The following TTLL11 variants were observed in gnomAD, a reference collection of about 807,000 sequenced individuals.
TTLL11 encodes tubulin polyglutamylase TTLL11.
In TTLL11, 42 loss-of-function variants were observed where a neutral mutation model predicts 51.7. The ratio of observed to expected loss-of-function variants is 0.81; its 90% CI spans 0.64 to 1.05. The LOEUF (loss-of-function observed/expected upper bound fraction) is 1.05. Ranked by LOEUF, TTLL11 falls within the 50% of genes least tolerant of loss-of-function variation. The pLI is 0.00. For missense variants in TTLL11, 799 were observed against 940.4 expected, an observed-to-expected ratio of 0.85 and a Z score of 1.97; for synonymous variants, 381 against 383.5, an observed-to-expected ratio of 0.99 and a Z score of 0.08.
intron 3 of TTLL11, among the ~76,000 whole-genome samples, chr9:122,016,355 G>C: frequency 6.6e-6 from 1 of 152,198 alleles, no homozygotes; most frequent in East Asian, 1.9e-4. Flanking sequence ...GCTCTATAAG[G>C]CGTGTGCAGG....
At chr9:121,911,294 G>A (rs1319710096) in intron 6 of TTLL11, among the ~76,000 whole-genome samples, 2 of 152,188 alleles carry the variant, frequency 1.3e-5, no homozygotes, top group African/African-American at 4.8e-5. Context: ...CTACTCTGGA[G>A]GCTGAGGCTG....
intron 4 of TTLL11, among the ~76,000 whole-genome samples, chr9:121,977,192 T>C (rs1433564085): frequency 6.6e-6 from 1 of 152,146 alleles, no homozygotes; most frequent in Non-Finnish European, 1.5e-5. Flanking sequence ...AACCTAAACT[T>C]GAGTGCATGT....
At chr9:121,896,107 T>C (rs1219605550) in intron 6 of TTLL11, among the ~76,000 whole-genome samples, 2 of 152,066 alleles carry the variant, frequency 1.3e-5, no homozygotes, top group African/African-American at 2.4e-5. Context: ...TGTTTGTGTG[T>C]GTTTTTGAGT....
intron 6 of TTLL11, among the ~76,000 whole-genome samples, chr9:121,970,899 C>T (rs1255088477): frequency 3.3e-5 from 5 of 152,232 alleles, no homozygotes; most frequent in African/African-American, 1.2e-4. Context: ...CACATGCACA[C>T]GTATGTTTAT....
chr9:122,071,990 A>G (rs1425340974), intron 1 of TTLL11, among the ~76,000 whole-genome samples: 2 of 152,106 alleles, frequency 1.3e-5, no homozygotes, highest in Admixed American at 1.3e-4. Context: ...ACCCCTAAAT[A>G]CACTCCACAC....
At chr9:122,090,946 C>A (rs563147072) in intron 1 of TTLL11, among the ~76,000 whole-genome samples, 1 of 152,106 alleles carries the variant, frequency 6.6e-6, no homozygotes, top group African/African-American at 2.4e-5. Context: ...CTGTAATGAC[C>A]GCAATTATTC....
chr9:122,023,344 T>A (rs529202807), intron 3 of TTLL11, among the ~76,000 whole-genome samples: 15 of 152,084 alleles, frequency 9.9e-5, no homozygotes, highest in Admixed American at 7.9e-4. Context: ...CTCACATGAT[T>A]TCCCTAGTGA....
intron 1 of TTLL11, among the ~76,000 whole-genome samples, chr9:122,076,616 G>C (rs981274014): frequency 6.6e-6 from 1 of 151,790 alleles, no homozygotes; most frequent in East Asian, 1.9e-4. Context: ...CTGGGTAGTA[G>C]AGCCCCCTGA....
At chr9:121,922,750 A>G (rs1840587578) in intron 6 of TTLL11, among the ~76,000 whole-genome samples, 1 of 112,354 alleles carries the variant, frequency 8.9e-6, no homozygotes, top group African/African-American at 3.0e-5. Context: ...CAAAGGGTCA[A>G]TATCTATTCA....
chr9:122,013,727 C>T (rs576307629), intron 3 of TTLL11, among the ~76,000 whole-genome samples: 4 of 152,276 alleles, frequency 2.6e-5, no homozygotes, highest in Admixed American at 2.6e-4. Context: ...GCCAGCCCCA[C>T]AGAGGCAGCC....
chr9:121,896,366 T>G (rs1839526322), intron 6 of TTLL11, among the ~76,000 whole-genome samples: 1 of 152,142 alleles, frequency 6.6e-6, no homozygotes, highest in African/African-American at 2.4e-5. Flanking sequence ...CCCTCAGCCC[T>G]TCACTTTTAG....
intron 3 of TTLL11, among the ~76,000 whole-genome samples, chr9:122,019,190 T>C (rs1844092480): frequency 6.6e-6 from 1 of 152,220 alleles, no homozygotes; most frequent in East Asian, 1.9e-4. Context: ...AGTGTCTCCA[T>C]ACAACCTTCA....
chr9:122,076,989 C>T (rs1015400308), intron 1 of TTLL11, among the ~76,000 whole-genome samples: 3 of 152,150 alleles, frequency 2.0e-5, no homozygotes, highest in Non-Finnish European at 4.4e-5. Flanking sequence ...GACTTCTCAA[C>T]AGCAAAATGG....
intron 8 of TTLL11, among the ~76,000 whole-genome samples, chr9:121,846,489 C>A (rs1837517885): frequency 6.6e-6 from 1 of 152,112 alleles, no homozygotes; most frequent in Admixed American, 6.6e-5. Flanking sequence ...ACATTCTTCC[C>A]AGTTCAAATG....
chr9:122,072,618 T>C (rs145791252), intron 1 of TTLL11, among the ~76,000 whole-genome samples: 1 of 152,184 alleles, frequency 6.6e-6, no homozygotes, highest in Non-Finnish European at 1.5e-5. Context: ...CACTCCAGCC[T>C]GGACAACAGA....
rs555271924 is a variant in TTLL11 at position 122,082,521 on chromosome 9, A to G, written c.462+10166T>C. Reference sequence around the variant, plus strand: ...TGTCTCAAAAAAAAAAAAAAAAAAAAGAATCTGAAGAGTGATGTTTATTGC... The same window carrying G: ...TGTCTCAAAAAAAAAAAAAAAAAAAGGAATCTGAAGAGTGATGTTTATTGC... On this transcript the variant is annotated intron_variant, in intron 1 of 8. Transcript: ENST00000321582. Among the ~76,000 whole-genome samples the G allele has an allele frequency of 4.8e-4, 72 of 151,172 alleles. 1 individual carries two copies. The East Asian group carries it at 0.011, about 23-fold the overall frequency.
chr9:121,916,923 A>G (rs1355140042), intron 6 of TTLL11, among the ~76,000 whole-genome samples: 1 of 152,160 alleles, frequency 6.6e-6, no homozygotes, highest in Non-Finnish European at 1.5e-5. Flanking sequence ...TGCAGACACA[A>G]TTAAAGGCCC....
chr9:121,898,951 T>A (rs1351527699), intron 6 of TTLL11, among the ~76,000 whole-genome samples: 3 of 152,182 alleles, frequency 2.0e-5, no homozygotes, highest in Non-Finnish European at 4.4e-5. Context: ...GCCCTTCTTC[T>A]TTGCCTGGCT....
chr9:122,000,812 C>T (rs6478552), intron 3 of TTLL11, among the ~76,000 whole-genome samples: 37,888 of 152,132 alleles, frequency 0.25, 5,198 homozygotes, highest in Non-Finnish European at 0.29. Flanking sequence ...CTTTACTTTA[C>T]GGACTTGCCC....
Sources: gnomAD v4.1 joint callset for allele counts (sites outside exome capture counted in the v4.1 genomes callset) on GRCh38, gnomAD v4.1.1 for gene constraint, MANE v1.5 for transcripts, NCBI Gene and HGNC (gene_info 2026-07-23, HGNC 2026-07-21) for gene names.